ANKS1B: variants seen among roughly 807,000 people sequenced by gnomAD.
ANKS1B encodes the protein ankyrin repeat and sterile alpha motif domain-containing protein 1B.
In ANKS1B, 36 loss-of-function variants were observed where a neutral mutation model predicts 148.3. The ratio of observed to expected loss-of-function variants is 0.24; its 90% CI spans 0.19 to 0.32. The LOEUF (loss-of-function observed/expected upper bound fraction) is 0.32. ANKS1B is among the 10% of genes least tolerant of loss of function. ANKS1B has a pLI of 1.00. For synonymous variants in ANKS1B, 542 were observed against 560.8 expected (o/e 0.97, Z 0.47); for missense variants, 1,157 against 1,542.6 (o/e 0.75, Z 4.19).
intron 12 of ANKS1B, among the ~76,000 whole-genome samples, chr12:99,252,995 G>A (rs983475573): frequency 5.9e-5 from 9 of 152,108 alleles, no homozygotes; most frequent in South Asian, 2.1e-4. Flanking sequence ...AGGCCAAGGC[G>A]AGAGGATCAC....
chr12:98,877,176 G>A (rs1338755763), intron 17 of ANKS1B, among the ~76,000 whole-genome samples: 2 of 152,294 alleles, frequency 1.3e-5, no homozygotes, highest in South Asian at 2.1e-4. Flanking sequence ...AGCCTAATGA[G>A]TCCCTCCTGT....
intron 15 of ANKS1B, among the ~76,000 whole-genome samples, chr12:99,150,411 G>T (rs975217792): frequency 6.6e-6 from 1 of 152,084 alleles, no homozygotes; most frequent in African/African-American, 2.4e-5. Context: ...TAACCACTGC[G>T]TGAGTTCAGG....
chr12:99,780,533 T>C (rs960487028), intron 5 of ANKS1B, among the ~76,000 whole-genome samples: 2 of 151,976 alleles, frequency 1.3e-5, no homozygotes, highest in Admixed American at 6.6e-5. Flanking sequence ...CTGCCCACCT[T>C]GGCCTCCCAA....
At chr12:99,819,044 G>T (rs926934742) in intron 2 of ANKS1B, among the ~76,000 whole-genome samples, 25 of 151,790 alleles carry the variant, frequency 1.6e-4, no homozygotes, top group Admixed American at 1.4e-3. Context: ...TGAGTCCAAA[G>T]AATTTCAAAA....
At chr12:98,845,414 A>C (rs2153736014) in intron 17 of ANKS1B, among the ~76,000 whole-genome samples, 1 of 152,270 alleles carries the variant, frequency 6.6e-6, no homozygotes, top group South Asian at 2.1e-4. Flanking sequence ...CCTGGCTCCT[A>C]CCTTCTGCTC....
At position 99,522,784 on chromosome 12, in the gene ANKS1B, C is replaced by T. The variant is rs114574919; in HGVS notation, c.1273-18143G>A. ...CTGATTTAATACAAGTATGATATTT[C>T]ACCTAGAAAGAGTGACAGGCCTCCA... On this transcript the variant is annotated intron_variant, in intron 9 of 26. Coordinates refer to ENST00000683438, the MANE Select transcript of ANKS1B (RefSeq NM_001352186.2). Among the ~76,000 whole-genome samples, 1,202 of 152,286 alleles carry T rather than the reference C, an allele frequency of 7.9e-3. 10 individuals carry two copies. Among genetic ancestry groups the T allele is most frequent in the African/African-American group, 0.027 (1,122 of 41,556 alleles).
chr12:99,516,725 G>T (rs1303473987), intron 9 of ANKS1B, among the ~76,000 whole-genome samples: 1 of 152,054 alleles, frequency 6.6e-6, no homozygotes, highest in South Asian at 2.1e-4. Flanking sequence ...TGTTCTCCAT[G>T]TGTATCCTGG....
chr12:99,001,990 T>G (rs1211747771), intron 17 of ANKS1B, among the ~76,000 whole-genome samples: 2 of 152,234 alleles, frequency 1.3e-5, no homozygotes, highest in African/African-American at 2.4e-5. Context: ...TTTCTTCTTT[T>G]TTTAAAGACT....
At chr12:98,859,656 T>C (rs7975980) in intron 17 of ANKS1B, among the ~76,000 whole-genome samples, 1,530 of 152,344 alleles carry the variant, frequency 0.01, 25 homozygotes, top group African/African-American at 0.034. Context: ...TGCATTTTAG[T>C]TTATGAAAAT....
At chr12:99,950,483 C>A (rs1376262080) in intron 1 of ANKS1B, among the ~76,000 whole-genome samples, 1 of 151,950 alleles carries the variant, frequency 6.6e-6, no homozygotes, top group Non-Finnish European at 1.5e-5. Context: ...GTAGTGTTTG[C>A]AACATTATTG....
chr12:99,917,609 G>A (rs1172677663), intron 1 of ANKS1B, among the ~76,000 whole-genome samples: 1 of 152,120 alleles, frequency 6.6e-6, no homozygotes, highest in Admixed American at 6.5e-5. Context: ...ATCCTCAATG[G>A]GCCTGATGGT....
chr12:99,811,364 T>G (rs2068345991), intron 3 of ANKS1B, among the ~76,000 whole-genome samples: 3 of 151,836 alleles, frequency 2.0e-5, no homozygotes, highest in Non-Finnish European at 4.4e-5. Context: ...TGATTGTAAT[T>G]CAATTGTTGG....
At chr12:99,772,383 C>A (rs1013058390) in intron 8 of ANKS1B, among the ~76,000 whole-genome samples, 4 of 152,044 alleles carry the variant, frequency 2.6e-5, no homozygotes, top group African/African-American at 4.8e-5. Flanking sequence ...ATCATAAAGG[C>A]GTTGTCACAG....
At chr12:99,467,683 T>C (rs2096150641) in intron 10 of ANKS1B, among the ~76,000 whole-genome samples, 1 of 152,076 alleles carries the variant, frequency 6.6e-6, no homozygotes, top group African/African-American at 2.4e-5. Context: ...TGAACTCCCA[T>C]TCACAATTGC....
chr12:99,528,788 G>T (rs2096957340), intron 9 of ANKS1B, among the ~76,000 whole-genome samples: 1 of 152,090 alleles, frequency 6.6e-6, no homozygotes, highest in Non-Finnish European at 1.5e-5. Flanking sequence ...AGAATAATAT[G>T]TGATGTATGT....
At chr12:99,587,087 CA>C (rs2097650164) in intron 9 of ANKS1B, among the ~76,000 whole-genome samples, 1 of 152,012 alleles carries the variant, frequency 6.6e-6, no homozygotes, top group South Asian at 2.1e-4. Flanking sequence ...AACAGGAAAA[CA>C]AAAAGAAGAT....
chr12:99,365,644 G>C (rs900124550), intron 12 of ANKS1B, among the ~76,000 whole-genome samples: 3 of 152,116 alleles, frequency 2.0e-5, no homozygotes, highest in African/African-American at 7.2e-5. Flanking sequence ...TGGGCCTAAG[G>C]GTGGTTCTGG....
At chr12:99,245,521 A>G (rs2153968928) in intron 13 of ANKS1B, among the ~76,000 whole-genome samples, 1 of 152,336 alleles carries the variant, frequency 6.6e-6, no homozygotes, top group East Asian at 1.9e-4. Context: ...ATGCAGAGAT[A>G]TTAAGTGATT....
intron 1 of ANKS1B, among the ~76,000 whole-genome samples, chr12:99,882,171 A>G (rs967930688): frequency 1.3e-5 from 2 of 152,244 alleles, no homozygotes; most frequent in African/African-American, 2.4e-5. Flanking sequence ...TAAAAATGAC[A>G]AAGTATCAAT....
Sources: gnomAD v4.1 joint callset for allele counts (sites outside exome capture counted in the v4.1 genomes callset) on GRCh38, gnomAD v4.1.1 for gene constraint, MANE v1.5 for transcripts, NCBI Gene and HGNC (gene_info 2026-07-23, HGNC 2026-07-21) for gene names.